Variants in GPC5 observed in about 807,000 individuals in gnomAD.
GPC5 encodes glypican 5, also known as glypican-5.
A neutral mutation model predicts 53.9 loss-of-function variants in GPC5; 47 were observed. That is an observed-to-expected ratio of 0.87 (90% confidence interval 0.69 to 1.11). The LOEUF (loss-of-function observed/expected upper bound fraction) is 1.11, where lower values mean the gene tolerates loss of function less well. Among genes scored for constraint, GPC5 ranks in the 50% most tolerant of loss-of-function variants. GPC5 has a pLI of 0.00. For missense variants in GPC5, 748 were observed against 713.1 expected (o/e 1.05, Z -0.56); for synonymous variants, 286 against 263.3 (o/e 1.09, Z -0.84).
chr13:91,419,088 T>C (rs1878429623), intron 1 of GPC5, among the ~76,000 whole-genome samples: 1 of 152,138 alleles, frequency 6.6e-6, no homozygotes, highest in Non-Finnish European at 1.5e-5. Context: ...TCTTATGCTG[T>C]AGGACCCTTT....
At chr13:91,998,855 G>A (rs183355453) in intron 6 of GPC5, among the ~76,000 whole-genome samples, 114 of 152,158 alleles carry the variant, frequency 7.5e-4, no homozygotes, top group Non-Finnish European at 1.5e-3. Flanking sequence ...TAAACCATCC[G>A]TCCAAGCCAC....
chr13:91,844,157 A>G (rs2038822248), intron 5 of GPC5, among the ~76,000 whole-genome samples: 1 of 152,204 alleles, frequency 6.6e-6, no homozygotes, highest in Non-Finnish European at 1.5e-5. Context: ...GGATGTATGG[A>G]AAATGATATG....
At chr13:92,531,976 C>A (rs1323911161) in intron 7 of GPC5, among the ~76,000 whole-genome samples, 1 of 152,132 alleles carries the variant, frequency 6.6e-6, no homozygotes, top group Non-Finnish European at 1.5e-5. Flanking sequence ...AACTCTTGCA[C>A]CTCCCCAGAT....
intron 7 of GPC5, among the ~76,000 whole-genome samples, chr13:92,582,941 T>C (rs937325074): frequency 6.6e-6 from 1 of 152,188 alleles, no homozygotes; most frequent in African/African-American, 2.4e-5. Context: ...CAAGCAATGA[T>C]GATTTAACTA....
intron 1 of GPC5, among the ~76,000 whole-genome samples, chr13:91,435,726 C>CT (rs1339710655): frequency 6.6e-6 from 1 of 152,194 alleles, no homozygotes; most frequent in African/African-American, 2.4e-5. Context: ...AGGATTCCCT[C>CT]TTTTTCTATT....
At chr13:92,477,877 T>C (rs1879213283) in intron 7 of GPC5, among the ~76,000 whole-genome samples, 1 of 152,172 alleles carries the variant, frequency 6.6e-6, no homozygotes, top group Non-Finnish European at 1.5e-5. Context: ...TGTTGTCCAG[T>C]AAACTATCTG....
chr13:92,441,123 G>T (rs1472646803), intron 7 of GPC5, among the ~76,000 whole-genome samples: 1 of 152,154 alleles, frequency 6.6e-6, no homozygotes, highest in Non-Finnish European at 1.5e-5. Flanking sequence ...CCCGGCTGGG[G>T]TGCAGTGGCA....
intron 7 of GPC5, among the ~76,000 whole-genome samples, chr13:92,657,534 G>A (rs1485362868): frequency 2.0e-5 from 3 of 150,794 alleles, no homozygotes; most frequent in South Asian, 2.1e-4. Flanking sequence ...CAACTGGCAC[G>A]GAAGAGTGTT....
chr13:91,419,733 T>A (rs1200414267), intron 1 of GPC5, among the ~76,000 whole-genome samples: 1 of 152,142 alleles, frequency 6.6e-6, no homozygotes, highest in East Asian at 1.9e-4. Flanking sequence ...CGTATTAGAT[T>A]GAAATTGAGA....
chr13:92,653,075 GA>G (rs779969635), intron 7 of GPC5, among the ~76,000 whole-genome samples: 20 of 152,152 alleles, frequency 1.3e-4, no homozygotes, highest in Non-Finnish European at 2.4e-4. Context: ...ACCAACACTG[GA>G]GTGGAAAAAT....
At chr13:92,683,545 G>A (rs1051117919) in intron 7 of GPC5, among the ~76,000 whole-genome samples, 3 of 152,200 alleles carry the variant, frequency 2.0e-5, no homozygotes, top group Admixed American at 1.3e-4. Context: ...CAGAACTGAT[G>A]AGGATTGATG....
At chr13:91,873,441 G>T (rs2039169562) in intron 5 of GPC5, among the ~76,000 whole-genome samples, 1 of 152,138 alleles carries the variant, frequency 6.6e-6, no homozygotes, top group Non-Finnish European at 1.5e-5. Context: ...GAGTAACCTG[G>T]TGGAAGTGAT....
At chr13:92,051,359 G>A (rs923645433) in intron 6 of GPC5, among the ~76,000 whole-genome samples, 29 of 151,696 alleles carry the variant, frequency 1.9e-4, no homozygotes, top group African/African-American at 5.8e-4. Flanking sequence ...ACACCACCAC[G>A]CCCAGCTAAT....
In GPC5 at chr13:92,859,800, A is replaced by G. The variant is rs557982876; in HGVS notation, c.1562-6482A>G. On this transcript the variant is annotated intron_variant, in intron 7 of 7. Coordinates refer to ENST00000377067, the MANE Select transcript of GPC5 (RefSeq NM_004466.6). ...CAGTATTGCTATAAAATAGCTTAAA[A>G]TAATATGTTCTTTCAAAATCAGATG... Among the ~76,000 whole-genome samples, 6 of 152,292 alleles carry G rather than the reference A, an allele frequency of 3.9e-5. No homozygotes were observed. The South Asian group carries it at 8.3e-4, about 21-fold the overall frequency.
chr13:91,632,652 T>C (rs543943465), intron 2 of GPC5, among the ~76,000 whole-genome samples: 2 of 152,122 alleles, frequency 1.3e-5, no homozygotes, highest in African/African-American at 4.8e-5. Context: ...TACCTGAGAC[T>C]CTTGAAAGAA....
chr13:92,799,540 T>G (rs1205552248), intron 7 of GPC5, among the ~76,000 whole-genome samples: 8 of 151,808 alleles, frequency 5.3e-5, no homozygotes. Context: ...AAAAATTATT[T>G]TAAAAGCACA....
chr13:92,437,502 T>C (rs1296063156), intron 7 of GPC5, among the ~76,000 whole-genome samples: 3 of 152,106 alleles, frequency 2.0e-5, no homozygotes, highest in African/African-American at 7.2e-5. Context: ...GAAAAAAATA[T>C]GTAGTTGTAC....
intron 7 of GPC5, among the ~76,000 whole-genome samples, chr13:92,184,473 C>A (rs1461616906): frequency 2.0e-5 from 3 of 152,136 alleles, no homozygotes; most frequent in Admixed American, 2.0e-4. Flanking sequence ...CCACTTCCTA[C>A]TTCTCCTGAG....
intron 7 of GPC5, among the ~76,000 whole-genome samples, chr13:92,626,416 G>C (rs1427165962): frequency 1.3e-5 from 2 of 152,120 alleles, no homozygotes; most frequent in Non-Finnish European, 2.9e-5. Flanking sequence ...GGGCAAGAGG[G>C]CACTCATGTG....
Sources: allele counts gnomAD v4.1 joint callset (sites outside exome capture counted in the v4.1 genomes callset), GRCh38; gene constraint gnomAD v4.1.1; transcripts MANE v1.5; gene names NCBI Gene and HGNC (gene_info 2026-07-23, HGNC 2026-07-21).